Variants in PRR5 observed in about 807,000 individuals in gnomAD.
The protein encoded by PRR5 is proline-rich protein 5.
PRR5 carries 25 observed loss-of-function variants against 30.6 expected under a neutral mutation model. The observed-to-expected ratio is 0.82, with a 90% CI of 0.60 to 1.14. PRR5 has a LOEUF of 1.14. PRR5 is among the 50% of genes most tolerant of loss of function. The pLI is 0.00. For synonymous variants in PRR5, 286 were observed against 247.1 expected (o/e 1.16, Z -1.48); for missense variants, 600 against 547.1 (o/e 1.10, Z -0.96).
At chr22:44,715,637 AG>A (rs1928941779) in intron 2 of PRR5, among the ~76,000 whole-genome samples, 1 of 151,576 alleles carries the variant, frequency 6.6e-6, no homozygotes, top group South Asian at 2.1e-4. Flanking sequence ...AGGATCTGCC[AG>A]GGGGCGGGGT....
At chr22:44,717,053 C>A (rs1394687153) in intron 2 of PRR5, among the ~76,000 whole-genome samples, 2 of 151,712 alleles carry the variant, frequency 1.3e-5, no homozygotes, top group Non-Finnish European at 2.9e-5. Context: ...TGAGTAAGAC[C>A]CCATCTCAAA....
intron 1 of PRR5, among the ~76,000 whole-genome samples, chr22:44,692,602 C>T (rs371539113): frequency 6.6e-6 from 1 of 152,210 alleles, no homozygotes; most frequent in Admixed American, 6.5e-5. Flanking sequence ...CCTCCCAGGG[C>T]AGTGTCAGGC....
chr22:44,730,113 G>C (rs1168522452), intron 4 of PRR5: 1 of 985,230 alleles, frequency 1.0e-6, no homozygotes, highest in Admixed American at 6.1e-5. Flanking sequence ...GCCCCTGGCG[G>C]GGTCCCACTC....
chr22:44,676,452 A>AAAAG (rs1234336148), upstream of PRR5, among the ~76,000 whole-genome samples: 3 of 151,818 alleles, frequency 2.0e-5, no homozygotes, highest in Non-Finnish European at 4.4e-5. Flanking sequence ...AAGAAAAGAA[A>AAAAG]AAAGAAAAAA....
intron 1 of PRR5, among the ~76,000 whole-genome samples, chr22:44,678,632 G>A (rs1163866464): frequency 3.9e-5 from 6 of 152,114 alleles, no homozygotes; most frequent in South Asian, 2.1e-4. Context: ...TCTTTAAGCC[G>A]CTGCTGGAAG....
chr22:44,693,616 C>CTT (rs1228023916), intron 1 of PRR5, among the ~76,000 whole-genome samples: 24,627 of 89,908 alleles, frequency 0.27, 5,715 homozygotes, highest in East Asian at 0.46. Flanking sequence ...TTCACATGGA[C>CTT]TTTTTTTTTT....
intron 4 of PRR5, among the ~76,000 whole-genome samples, chr22:44,728,142 A>G (rs1281417888): frequency 1.3e-5 from 2 of 152,162 alleles, no homozygotes; most frequent in Non-Finnish European, 1.5e-5. Context: ...CCTGCCCAGC[A>G]GAAGGGGCAG....
intron 2 of PRR5, among the ~76,000 whole-genome samples, chr22:44,718,523 A>G (rs1929454947): frequency 1.3e-5 from 2 of 152,110 alleles, no homozygotes; most frequent in Non-Finnish European, 2.9e-5. Context: ...TATATCTAGC[A>G]GTGGAATTGC....
intron 2 of PRR5, among the ~76,000 whole-genome samples, chr22:44,721,302 A>G (rs937659478): frequency 6.6e-6 from 1 of 152,178 alleles, no homozygotes; most frequent in African/African-American, 2.4e-5. Context: ...AATACCCTCT[A>G]GAGGTTTCCC....
intron 6 of PRR5, 89 bp from the exon 7 acceptor site, chr22:44,734,938 C>G: frequency 1.4e-6 from 2 of 1,459,758 alleles, no homozygotes; most frequent in Non-Finnish European, 1.9e-6. Flanking sequence ...AGAGGACAGG[C>G]TGTCTGGTGG....
intron 4 of PRR5, chr22:44,730,250 G>C (rs1921698113): frequency 1.4e-5 from 14 of 985,096 alleles, no homozygotes; most frequent in Middle Eastern, 1.0e-3. Context: ...AGCAGTTCTG[G>C]CCGGGGGCGC....
intron 6 of PRR5, among the ~76,000 whole-genome samples, chr22:44,732,846 A>ACACGCACATACACACGTG (rs1922367289): frequency 1.5e-4 from 2 of 13,418 alleles, no homozygotes; most frequent in Non-Finnish European, 3.8e-4. Context: ...ACACACGTGC[A>ACACGCACATACACACGTG]CACACGTGCA....
At position 44,737,218 on chromosome 22, in the gene PRR5, G is replaced by A; in HGVS notation, c.1138G>A (p.Gly380Ser). The A allele has an allele frequency of 6.2e-7, 1 of 1,605,692 alleles. No individual in the cohort carries two copies. The highest frequency in any genetic ancestry group is 2.2e-5 in the East Asian group (1 of 44,624). ...GRGSGMSDLEGSGGRQSVV is the reference protein window; with the variant it reads ...GRGSGMSDLESSGGRQSVV ...GGGCTCTGGCATGTCCGACTTGGAG[G>A]GCTCTGGGGGCCGGCAGAGTGTCGT... Residue 380 changes from glycine (G) to serine (S), a missense_variant, in exon 8 of 8, where the codon GGC (glycine) becomes AGC (serine). By Grantham distance (56) the Gly-to-Ser change is moderately conservative. Coordinates refer to ENST00000336985, the MANE Select transcript of PRR5 (RefSeq NM_181333.4).
chr22:44,689,166 C>T (rs950040097), intron 1 of PRR5, among the ~76,000 whole-genome samples: 2 of 152,132 alleles, frequency 1.3e-5, no homozygotes, highest in African/African-American at 4.8e-5. Flanking sequence ...GCTTCTTGAT[C>T]TTCATGTGAT....
At chr22:44,719,315 T>C (rs1929579207) in intron 2 of PRR5, among the ~76,000 whole-genome samples, 1 of 152,080 alleles carries the variant, frequency 6.6e-6, no homozygotes, top group Admixed American at 6.5e-5. Flanking sequence ...ACTCCTGGGC[T>C]CAAGCAATCC....
intron 1 of PRR5, among the ~76,000 whole-genome samples, chr22:44,690,714 T>C (rs1023467687): frequency 6.6e-6 from 1 of 152,104 alleles, no homozygotes; most frequent in African/African-American, 2.4e-5. Flanking sequence ...TACCCACTGT[T>C]ATTATTATTA....
chr22:44,724,748 T>TA (rs1490266915), intron 2 of PRR5, among the ~76,000 whole-genome samples: 2 of 152,102 alleles, frequency 1.3e-5, no homozygotes, highest in Non-Finnish European at 2.9e-5. Flanking sequence ...TCCCCTGTAA[T>TA]AAAAGGGGAA....
At chr22:44,708,815 A>G (rs1049034238) in intron 1 of PRR5, among the ~76,000 whole-genome samples, 1 of 151,786 alleles carries the variant, frequency 6.6e-6, no homozygotes, top group African/African-American at 2.4e-5. Context: ...AAAAATACAA[A>G]AATTAGCCCA....
rs779872270 is a variant in PRR5 at position 44,726,661 on chromosome 22, T to C, written c.322+27T>C. 2.5e-6 allele frequency: 4 copies of C among 1,613,878 alleles called. No homozygotes were observed. In the Admixed American group the frequency reaches 5.0e-5, roughly 20 times the overall value. On this transcript the variant is annotated intron_variant, in intron 4 of 7. Coordinates refer to ENST00000336985, the MANE Select transcript of PRR5 (RefSeq NM_181333.4). The stretch of plus-strand genomic sequence containing the variant: ...TGAGTGTGGGCCCCTTGGCGGCCAC[T>C]CTGGGCCATGCTGGGTCCTGGCTGG...
Sources: gnomAD v4.1 joint callset for allele counts (sites outside exome capture counted in the v4.1 genomes callset) on GRCh38, gnomAD v4.1.1 for gene constraint, MANE v1.5 for transcripts, NCBI Gene and HGNC (gene_info 2026-07-23, HGNC 2026-07-21) for gene names.